Variants in FIP1L1 observed in about 807,000 individuals in gnomAD.
The protein encoded by FIP1L1 is factor interacting with PAPOLA and CPSF1, also known as pre-mRNA 3'-end-processing factor FIP1.
A neutral mutation model predicts 84.6 loss-of-function variants in FIP1L1; 21 were observed. The observed-to-expected ratio is 0.25, with a 90% CI of 0.18 to 0.36. The LOEUF (loss-of-function observed/expected upper bound fraction) is 0.36. Among genes scored for constraint, FIP1L1 ranks in the 10% least tolerant of loss-of-function variants. The pLI, the probability that FIP1L1 is intolerant of heterozygous loss-of-function variation, is 1.00. For missense variants in FIP1L1, 526 were observed against 751.1 expected (o/e 0.70, Z 3.50); for synonymous variants, 263 against 242.3 (o/e 1.09, Z -0.80).
chr4:53,458,017 C>T (rs1035111080), intron 16 of FIP1L1, among the ~76,000 whole-genome samples: 13 of 152,110 alleles, frequency 8.5e-5, no homozygotes, highest in African/African-American at 3.1e-4. Context: ...CCCCCCTGCC[C>T]ACACAGATGT....
intron 10 of FIP1L1, among the ~76,000 whole-genome samples, chr4:53,404,043 G>A (rs1190783293): frequency 1.3e-5 from 2 of 151,274 alleles, no homozygotes; most frequent in Non-Finnish European, 2.9e-5. Flanking sequence ...AAGTTTTAGG[G>A]TACATGTGCA....
chr4:53,438,121 A>G (rs530976383), intron 13 of FIP1L1, among the ~76,000 whole-genome samples: 7 of 152,300 alleles, frequency 4.6e-5, no homozygotes, highest in African/African-American at 1.7e-4. Context: ...ATCTACTTTT[A>G]CTACTGTTAC....
At chr4:53,415,656 A>T (rs1203010726) in intron 11 of FIP1L1, among the ~76,000 whole-genome samples, 1 of 152,084 alleles carries the variant, frequency 6.6e-6, no homozygotes, top group Non-Finnish European at 1.5e-5. Flanking sequence ...ATGATCAGAT[A>T]CCTTTGATCA....
At chr4:53,404,457 T>C (rs1045573220) in intron 10 of FIP1L1, among the ~76,000 whole-genome samples, 4 of 152,176 alleles carry the variant, frequency 2.6e-5, no homozygotes, top group Non-Finnish European at 5.9e-5. Context: ...TTGTGAATAA[T>C]GCTGCAATAG....
At position 53,377,864 on chromosome 4, in the gene FIP1L1, T is replaced by C; in HGVS notation, c.26T>C (p.Leu9Pro). 4 of 1,598,610 alleles carry C rather than the reference T, an allele frequency of 2.5e-6. No individual in the cohort carries two copies. Among genetic ancestry groups the C allele is most frequent in the Non-Finnish European group, 3.4e-6 (4 of 1,172,648 alleles). ...ATGTCGGCCGGCGAGGTCGAGCGCC[T>C]AGTGTCGGAGCTGAGCGGCGGGACC... The part of the protein sequence containing the change: MSAGEVER[L>P]VSELSGGTGG... The change falls in exon 1 of 18, where the codon CTA (leucine) becomes CCA (proline). Residue 9 changes from leucine (L) to proline (P), a missense_variant. Transcript: ENST00000337488.
Position 53,460,708 on chromosome 4 carries a change from GAAAA to G in FIP1L1, c.*1264_*1267del, listed in dbSNP as rs1408075397. On this transcript the variant is annotated 3_prime_UTR_variant, in exon 18 of 18. Transcript: ENST00000337488. Reference sequence around the variant, plus strand: ...AGAGTAATGAGAAATCCTCCACACTGAAAAAAAACTAGTAGTTTTAATTTTTTTG... The same window carrying G: ...AGAGTAATGAGAAATCCTCCACACTGAAAACTAGTAGTTTTAATTTTTTTG... 1.9e-6 allele frequency: 1 copy of G among 528,018 alleles called. No homozygotes were observed. The highest frequency in any genetic ancestry group is 3.2e-6 in the Non-Finnish European group (1 of 308,618). 32.7% of individuals were successfully genotyped at this position (528,018 alleles called of 1,614,324 possible).
rs188715219 is a variant in FIP1L1, at chr4:53,409,612, G to T, written c.816-5003G>T. Among the ~76,000 whole-genome samples the T allele has an allele frequency of 4.8e-3, 732 of 152,352 alleles. 9 individuals carry two copies. Among genetic ancestry groups the T allele is most frequent in the African/African-American group, 0.017 (692 of 41,582 alleles). On this transcript the variant is annotated intron_variant, in intron 10 of 17. Transcript: ENST00000337488. The stretch of plus-strand genomic sequence containing the variant: ...CCAGTAGTGGAGCCTACAGAGGCAG[G>T]CAGGCTTCCTTGAGCTGTGGTGGGC...
intron 3 of FIP1L1, 82 bp downstream of exon 3, chr4:53,379,346 C>A: frequency 4.2e-6 from 5 of 1,180,558 alleles, no homozygotes; most frequent in East Asian, 2.4e-5. Context: ...TATTTTCTTA[C>A]AATCATTGGC....
chr4:53,380,237 C>T (rs1387422918), intron 3 of FIP1L1, among the ~76,000 whole-genome samples: 1 of 152,192 alleles, frequency 6.6e-6, no homozygotes, highest in African/African-American at 2.4e-5. Flanking sequence ...CTCGCAGCTG[C>T]ATCAACTGAT....
At chr4:53,435,723 T>C (rs1014657751) in intron 13 of FIP1L1, among the ~76,000 whole-genome samples, 2 of 152,200 alleles carry the variant, frequency 1.3e-5, no homozygotes, top group Non-Finnish European at 2.9e-5. Context: ...CTTAAAACTT[T>C]TTTTGCACCT....
At chr4:53,450,079 T>C (rs1052395224) in intron 15 of FIP1L1, among the ~76,000 whole-genome samples, 8 of 152,284 alleles carry the variant, frequency 5.3e-5, no homozygotes, top group African/African-American at 1.7e-4. Context: ...TTGATTTCCA[T>C]TCTTTGTTAT....
At chr4:53,412,825 G>A (rs1757795984) in intron 10 of FIP1L1, among the ~76,000 whole-genome samples, 1 of 151,908 alleles carries the variant, frequency 6.6e-6, no homozygotes, top group African/African-American at 2.4e-5. Context: ...AAACTTTTTA[G>A]GGATTTTAGT....
intron 10 of FIP1L1, among the ~76,000 whole-genome samples, chr4:53,409,001 A>G (rs528487363): frequency 1.2e-4 from 18 of 152,290 alleles, no homozygotes; most frequent in African/African-American, 4.3e-4. Context: ...AACTCGTCAA[A>G]GGCATTCTCT....
intron 5 of FIP1L1, among the ~76,000 whole-genome samples, chr4:53,388,079 T>C (rs1041150444): frequency 1.3e-4 from 20 of 152,226 alleles, no homozygotes; most frequent in African/African-American, 4.3e-4. Flanking sequence ...GCTACAGTTA[T>C]TTGATACAAT....
At chr4:53,444,137 T>C in intron 15 of FIP1L1, 34 bp downstream of exon 15, 2 of 1,340,580 alleles carry the variant, frequency 1.5e-6, no homozygotes, top group Non-Finnish European at 2.1e-6. Context: ...TAGATTCAGT[T>C]TGAATCAGTA....
intron 11 of FIP1L1, among the ~76,000 whole-genome samples, chr4:53,415,820 A>G (rs1759255259): frequency 1.3e-5 from 2 of 151,886 alleles, no homozygotes; most frequent in African/African-American, 4.8e-5. Flanking sequence ...ATACATCTCA[A>G]AGTAAGAATG....
intron 10 of FIP1L1, among the ~76,000 whole-genome samples, chr4:53,406,708 G>A (rs531810250): frequency 1.4e-4 from 22 of 152,206 alleles, no homozygotes; most frequent in Middle Eastern, 6.8e-3. Context: ...GTCTATTCAG[G>A]GATTCAACTT....
chr4:53,441,151 A>T (rs1055032151), intron 13 of FIP1L1, among the ~76,000 whole-genome samples: 15 of 151,026 alleles, frequency 9.9e-5, no homozygotes, highest in African/African-American at 3.4e-4. Context: ...CCAGTGTTTT[A>T]TTTATTTATT....
At chr4:53,456,811 T>C (rs1171807410) in intron 16 of FIP1L1, among the ~76,000 whole-genome samples, 1 of 152,100 alleles carries the variant, frequency 6.6e-6, no homozygotes, top group Non-Finnish European at 1.5e-5. Flanking sequence ...CTACCATCTG[T>C]TATAAGGTTC....
Sources: gnomAD v4.1 joint callset for allele counts (sites outside exome capture counted in the v4.1 genomes callset) on GRCh38, gnomAD v4.1.1 for gene constraint, MANE v1.5 for transcripts, NCBI Gene and HGNC (gene_info 2026-07-23, HGNC 2026-07-21) for gene names.